Variants in SLC27A6 observed in about 807,000 individuals in gnomAD.
SLC27A6 encodes the protein long-chain fatty acid transport protein 6.
In SLC27A6, 74 loss-of-function variants were observed where a neutral mutation model predicts 63.9. The observed-to-expected ratio is 1.16, with a 90% CI of 0.96 to 1.40. The LOEUF is 1.40. SLC27A6 is among the 40% of genes most tolerant of loss of function. The pLI is 0.00. For synonymous variants in SLC27A6, 287 were observed against 260.8 expected, an observed-to-expected ratio of 1.10 and a Z score of -0.97; for missense variants, 794 against 732.9, an observed-to-expected ratio of 1.08 and a Z score of -0.96.
chr5:128,967,608 A>C (rs531780944), intron 1 of SLC27A6, among the ~76,000 whole-genome samples: 8 of 152,276 alleles, frequency 5.3e-5, no homozygotes, highest in Admixed American at 5.2e-4. Flanking sequence ...TTTTCAAATA[A>C]CCTTTATGAT....
chr5:129,016,549 G>A (rs1000802938), intron 5 of SLC27A6, among the ~76,000 whole-genome samples: 61 of 151,114 alleles, frequency 4.0e-4, no homozygotes, highest in Non-Finnish European at 1.3e-4. Context: ...GTGAGAGACA[G>A]TGCTATAGGT....
intron 4 of SLC27A6, among the ~76,000 whole-genome samples, chr5:129,012,729 C>T (rs1052869435): frequency 6.6e-6 from 1 of 152,044 alleles, no homozygotes; most frequent in Non-Finnish European, 1.5e-5. Context: ...TTAAGGTCTA[C>T]TTTGTCTGAT....
At chr5:129,009,508 T>C (rs926470696) in intron 4 of SLC27A6, among the ~76,000 whole-genome samples, 1 of 152,218 alleles carries the variant, frequency 6.6e-6, no homozygotes, top group Non-Finnish European at 1.5e-5. Flanking sequence ...AGTGACAATA[T>C]ATAAATTTTA....
intron 4 of SLC27A6, among the ~76,000 whole-genome samples, chr5:129,014,961 A>G (rs756217025): frequency 3.3e-5 from 5 of 152,202 alleles, no homozygotes; most frequent in Non-Finnish European, 5.9e-5. Context: ...CTTTAAAACC[A>G]TTTAAATGGT....
Position 128,966,194 on chromosome 5 carries a change from G to C in SLC27A6, c.57G>C (p.Leu19Phe), listed in dbSNP as rs150044423. The C allele has an allele frequency of 2.5e-6, 4 of 1,596,868 alleles. No homozygotes were observed. The African/African-American group carries it at 5.4e-5, about 22-fold the overall frequency. The change falls in exon 1 of 10, where the codon TTG becomes TTC. Residue 19 changes from leucine (L) to phenylalanine (F), a missense_variant. Transcript: ENST00000262462. Reference sequence around the variant, plus strand: ...CTGGAATGGTCGTCCTGCACTTCTTGCAGAAACTCCTGTTCCCTTACTTTT... The same window carrying C: ...CTGGAATGGTCGTCCTGCACTTCTTCCAGAAACTCCTGTTCCCTTACTTTT... ...LGAGMVVLHF[L>F]QKLLFPYFWD...
intron 1 of SLC27A6, among the ~76,000 whole-genome samples, chr5:128,983,520 C>T (rs1346374234): frequency 1.3e-5 from 2 of 152,040 alleles, no homozygotes; most frequent in African/African-American, 2.4e-5. Flanking sequence ...GTCTCGAACT[C>T]CTGACCTCAG....
rs1426774820 is a variant in SLC27A6, at chr5:128,966,451, G to C, written c.314G>C (p.Gly105Ala). ...VFLNHSSLKK[G>A]DTVALLMSNE... ...CTGAACCATTCCTCTCTGAAAAAGG[G>C]GGACACGGTGGCTCTGCTGATGAGC... Residue 105 changes from glycine to alanine, a missense_variant, in exon 1 of 10, where the codon GGG (glycine) becomes GCG (alanine). By Grantham distance (60) the Gly-to-Ala change is moderately conservative. Transcript: ENST00000262462. 17 of 1,606,720 alleles carry C rather than the reference G, an allele frequency of 1.1e-5. No individual in the cohort carries two copies. Among genetic ancestry groups the C allele is most frequent in the Non-Finnish European group, 1.4e-5 (17 of 1,176,794 alleles).
At chr5:128,993,164 T>G (rs1375177416) in intron 4 of SLC27A6, among the ~76,000 whole-genome samples, 1 of 148,766 alleles carries the variant, frequency 6.7e-6, no homozygotes, top group Non-Finnish European at 1.5e-5. Context: ...ATTGTAGGAG[T>G]ATGCCTGTTG....
At chr5:129,020,991 C>T (rs1022382857) in intron 5 of SLC27A6, among the ~76,000 whole-genome samples, 2 of 151,576 alleles carry the variant, frequency 1.3e-5, no homozygotes, top group Non-Finnish European at 2.9e-5. Flanking sequence ...CAAATGGGGA[C>T]GCTCATAGGA....
chr5:128,986,501 A>G (rs1202691481), intron 2 of SLC27A6, among the ~76,000 whole-genome samples: 1 of 152,224 alleles, frequency 6.6e-6, no homozygotes, highest in African/African-American at 2.4e-5. Context: ...ACTATTGCAT[A>G]GTAAAATTTT....
chr5:128,982,850 T>C (rs540149490), intron 1 of SLC27A6, among the ~76,000 whole-genome samples: 14 of 152,268 alleles, frequency 9.2e-5, no homozygotes, highest in African/African-American at 3.4e-4. Flanking sequence ...GTTATAGAAA[T>C]AAAAATTAAT....
intron 4 of SLC27A6, among the ~76,000 whole-genome samples, chr5:128,991,070 C>G (rs1026211711): frequency 1.2e-4 from 19 of 152,274 alleles, no homozygotes; most frequent in African/African-American, 4.3e-4. Flanking sequence ...GGGAGGCGAC[C>G]CAAAGCAGGT....
At chr5:129,007,442 TAAAAAAA>T (rs569920098) in intron 4 of SLC27A6, among the ~76,000 whole-genome samples, 2 of 104,302 alleles carry the variant, frequency 1.9e-5, no homozygotes, top group Non-Finnish European at 3.9e-5. Context: ...GACTCAGTCT[TAAAAAAA>T]AAAAAAAAAA....
intron 1 of SLC27A6, among the ~76,000 whole-genome samples, chr5:128,969,674 G>A (rs1750060149): frequency 6.6e-6 from 1 of 152,164 alleles, no homozygotes; most frequent in African/African-American, 2.4e-5. Flanking sequence ...CTGAGATGCT[G>A]GGGTTCTCTA....
intron 1 of SLC27A6, among the ~76,000 whole-genome samples, chr5:128,968,947 G>C (rs755521826): frequency 1.3e-5 from 2 of 152,192 alleles, no homozygotes; most frequent in African/African-American, 4.8e-5. Flanking sequence ...TGTATAAGGT[G>C]TAAGGAAGGT....
intron 1 of SLC27A6, among the ~76,000 whole-genome samples, chr5:128,968,584 C>A (rs1325735777): frequency 6.6e-6 from 1 of 152,034 alleles, no homozygotes; most frequent in African/African-American, 2.4e-5. Flanking sequence ...CTGTTCATAT[C>A]CTTTGCCCAC....
At position 128,995,713 on chromosome 5, in the gene SLC27A6, T is replaced by C. The variant is rs189859826; in HGVS notation, c.969+5249T>C. ...CCACAGAAAACACCACCTGAATGTTTGAAGAGAAGGAGGGTATGCTGGGCC... is the reference window on the plus strand; with the variant it reads ...CCACAGAAAACACCACCTGAATGTTCGAAGAGAAGGAGGGTATGCTGGGCC... On this transcript the variant is annotated intron_variant, in intron 4 of 9. Coordinates refer to ENST00000262462, the MANE Select transcript of SLC27A6 (RefSeq NM_001017372.3). Among the ~76,000 whole-genome samples the C allele has an allele frequency of 1.3e-3, 196 of 152,258 alleles. 1 individual carries two copies. The highest frequency in any genetic ancestry group is 4.5e-3 in the African/African-American group (186 of 41,548).
chr5:128,988,682 T>A lies in SLC27A6; in HGVS notation c.768T>A (p.His256Gln), dbSNP rs773226447. The change falls in exon 3 of 10, where the codon CAT becomes CAA. Residue 256 changes from histidine to glutamine, a missense_variant. His to Gln is a conservative substitution (Grantham distance 24, BLOSUM62 0). Transcript: ENST00000262462. ...AVLWAFGCTAHDIVYITLPLY... is the reference protein window; with the variant it reads ...AVLWAFGCTAQDIVYITLPLY... ...TGTGGGCTTTTGGTTGTACTGCTCA[T>A]GACATTGTTTATATAACCCTTCCTC... The A allele has an allele frequency of 6.2e-7, 1 of 1,613,862 alleles. No homozygotes were observed. The highest frequency in any genetic ancestry group is 1.7e-5 in the Admixed American group (1 of 60,026).
chr5:129,014,424 A>G (rs534426878), intron 4 of SLC27A6, among the ~76,000 whole-genome samples: 15 of 152,354 alleles, frequency 9.8e-5, no homozygotes, highest in African/African-American at 3.4e-4. Context: ...AACAGTTACC[A>G]GGTAAGACTT....
Sources: allele counts gnomAD v4.1 joint callset (sites outside exome capture counted in the v4.1 genomes callset), GRCh38; gene constraint gnomAD v4.1.1; transcripts MANE v1.5; gene names NCBI Gene and HGNC (gene_info 2026-07-23, HGNC 2026-07-21).